The following GRID2 variants were observed in gnomAD, a reference collection of about 807,000 sequenced individuals.
The protein encoded by GRID2 is glutamate ionotropic receptor delta type subunit 2.
Under a neutral mutation model 114.8 loss-of-function variants are expected in GRID2, and 33 were observed. The ratio of observed to expected loss-of-function variants is 0.29; its 90% CI spans 0.22 to 0.38. GRID2 has a LOEUF of 0.38. GRID2 is among the 10% of genes least tolerant of loss of function. GRID2 has a pLI of 1.00. For missense variants in GRID2, 1,184 were observed against 1,257.7 expected (o/e 0.94, Z 0.89); for synonymous variants, 505 against 449.9 (o/e 1.12, Z -1.55).
intron 1 of GRID2, among the ~76,000 whole-genome samples, chr4:92,444,432 T>C (rs1403352523): frequency 6.6e-6 from 1 of 152,076 alleles, no homozygotes; most frequent in East Asian, 1.9e-4. Flanking sequence ...GGGGGTGCTT[T>C]TGGCGCCAGG....
At chr4:92,960,487 G>T (rs922607511) in intron 2 of GRID2, among the ~76,000 whole-genome samples, 1 of 151,972 alleles carries the variant, frequency 6.6e-6, no homozygotes, top group African/African-American at 2.4e-5. Flanking sequence ...TCTTCTTAAA[G>T]GATTCATCCC....
chr4:92,614,310 A>G (rs1170464598), intron 2 of GRID2, among the ~76,000 whole-genome samples: 1 of 151,520 alleles, frequency 6.6e-6, no homozygotes, highest in African/African-American at 2.4e-5. Flanking sequence ...TAAGTTAGCA[A>G]CTTAGGTTAT....
At chr4:92,407,110 A>T (rs1306616945) in intron 1 of GRID2, among the ~76,000 whole-genome samples, 1 of 152,016 alleles carries the variant, frequency 6.6e-6, no homozygotes, top group East Asian at 1.9e-4. Context: ...CGTGTCAGAT[A>T]CTGCCACTCT....
intron 8 of GRID2, among the ~76,000 whole-genome samples, chr4:93,359,849 G>T (rs1198837145): frequency 1.3e-5 from 1 of 78,240 alleles, no homozygotes; most frequent in Non-Finnish European, 2.3e-5. Flanking sequence ...CATTACAAAA[G>T]GGCATAGATA....
At chr4:93,427,892 C>T (rs1769009492) in intron 10 of GRID2, among the ~76,000 whole-genome samples, 1 of 151,998 alleles carries the variant, frequency 6.6e-6, no homozygotes, top group South Asian at 2.1e-4. Context: ...TGAGAGATAT[C>T]TTCTGCCTAG....
chr4:93,133,745 A>G (rs1489004901), intron 4 of GRID2, among the ~76,000 whole-genome samples: 5 of 152,144 alleles, frequency 3.3e-5, no homozygotes, highest in Non-Finnish European at 7.4e-5. Context: ...ACAGAAAGCT[A>G]TGCACGGGTG....
intron 2 of GRID2, among the ~76,000 whole-genome samples, chr4:92,911,059 T>C (rs756411702): frequency 5.5e-4 from 83 of 152,084 alleles, no homozygotes; most frequent in Non-Finnish European, 1.0e-3. Flanking sequence ...GGACAAATAA[T>C]GAGACTATTT....
At chr4:93,333,000 G>A (rs1439993425) in intron 8 of GRID2, among the ~76,000 whole-genome samples, 1 of 152,088 alleles carries the variant, frequency 6.6e-6, no homozygotes, top group Non-Finnish European at 1.5e-5. Flanking sequence ...ATTCCTAGAA[G>A]ATTAGGCCAT....
chr4:92,929,499 A>G (rs974200112), intron 2 of GRID2, among the ~76,000 whole-genome samples: 1 of 151,370 alleles, frequency 6.6e-6, no homozygotes, highest in African/African-American at 2.4e-5. Flanking sequence ...TATAGTAAGT[A>G]TGGATGCATT....
At chr4:92,360,687 G>A (rs1055565745) in intron 1 of GRID2, among the ~76,000 whole-genome samples, 14 of 151,850 alleles carry the variant, frequency 9.2e-5, no homozygotes, top group Middle Eastern at 3.2e-3. Flanking sequence ...AGATAAGAAG[G>A]AATATACTAG....
chr4:93,412,236 C>G (rs1025969151), intron 9 of GRID2, among the ~76,000 whole-genome samples: 10 of 150,946 alleles, frequency 6.6e-5, no homozygotes, highest in Admixed American at 1.3e-4. Context: ...CCATCCCCCC[C>G]CCCCAAAAAA....
intron 14 of GRID2, among the ~76,000 whole-genome samples, chr4:93,680,492 C>T (rs867149618): frequency 1.3e-5 from 2 of 151,112 alleles, no homozygotes; most frequent in Non-Finnish European, 3.0e-5. Context: ...GAATTTTAGA[C>T]CAATATCCTT....
At chr4:92,460,542 G>A (rs1721444559) in intron 1 of GRID2, among the ~76,000 whole-genome samples, 1 of 152,130 alleles carries the variant, frequency 6.6e-6, no homozygotes, top group African/African-American at 2.4e-5. Context: ...TTCTGATACT[G>A]ATAGAATTTT....
intron 8 of GRID2, among the ~76,000 whole-genome samples, chr4:93,380,219 G>A (rs563531492): frequency 1.2e-3 from 189 of 152,084 alleles, no homozygotes; most frequent in African/African-American, 4.4e-3. Flanking sequence ...ATTTAAAACA[G>A]AAAAGGAAGA....
chr4:92,781,709 T>G (rs1739085402), intron 2 of GRID2, among the ~76,000 whole-genome samples: 1 of 152,204 alleles, frequency 6.6e-6, no homozygotes, highest in South Asian at 2.1e-4. Context: ...AGAAAGGAGC[T>G]ATTGAGGGAT....
chr4:92,397,304 G>T (rs1458311938), intron 1 of GRID2, among the ~76,000 whole-genome samples: 2 of 150,960 alleles, frequency 1.3e-5, no homozygotes, highest in African/African-American at 4.9e-5. Flanking sequence ...AGAAAAAACA[G>T]CTGAGAGGAA....
intron 2 of GRID2, among the ~76,000 whole-genome samples, chr4:92,656,694 G>C: frequency 6.6e-6 from 1 of 151,684 alleles, no homozygotes; most frequent in East Asian, 1.9e-4. Context: ...GCAATTTCCT[G>C]TGAGCTCTCC....
At chr4:92,958,059 G>A (rs970642018) in intron 2 of GRID2, among the ~76,000 whole-genome samples, 43 of 151,940 alleles carry the variant, frequency 2.8e-4, no homozygotes, top group African/African-American at 9.9e-4. Context: ...TGTTGTTGTC[G>A]ATTGTTTTGG....
intron 2 of GRID2, among the ~76,000 whole-genome samples, chr4:92,874,775 T>C (rs905124984): frequency 6.6e-6 from 1 of 152,222 alleles, no homozygotes; most frequent in African/African-American, 2.4e-5. Context: ...AAAATCTAAT[T>C]AAAATTGTTG....
Sources: allele counts gnomAD v4.1 joint callset (sites outside exome capture counted in the v4.1 genomes callset), GRCh38; gene constraint gnomAD v4.1.1; transcripts MANE v1.5; gene names NCBI Gene and HGNC (gene_info 2026-07-23, HGNC 2026-07-21).